The following NOTUM variants were observed in gnomAD, a reference collection of about 807,000 sequenced individuals.
NOTUM encodes palmitoleoyl-protein carboxylesterase NOTUM.
NOTUM carries 36 observed loss-of-function variants against 65.5 expected under a neutral mutation model. The observed-to-expected ratio is 0.55, with a 90% CI of 0.42 to 0.73. The LOEUF (loss-of-function observed/expected upper bound fraction) is 0.73. NOTUM is among the 30% of genes least tolerant of loss of function. The pLI, the probability that NOTUM is intolerant of heterozygous loss-of-function variation, is 0.00. For missense variants in NOTUM, 659 were observed against 694.2 expected, an observed-to-expected ratio of 0.95 and a Z score of 0.57; for synonymous variants, 356 against 297.9, an observed-to-expected ratio of 1.20 and a Z score of -2.01.
chr17:81,956,288 A>G (rs2041432483), intron 8 of NOTUM, among the ~76,000 whole-genome samples: 1 of 152,166 alleles, frequency 6.6e-6, no homozygotes, highest in South Asian at 2.1e-4. Flanking sequence ...AGGACCCTGC[A>G]GCAGGGAGGG....
chr17:81,957,658 C>T (rs902694375), intron 6 of NOTUM, 148 bp downstream of exon 6: 10 of 627,350 alleles, frequency 1.6e-5, no homozygotes, highest in Admixed American at 2.6e-5. Context: ...TCTCCCAGCT[C>T]CAGCCTCTCA....
At chr17:81,953,565 A>AT (rs1448607042) in intron 10 of NOTUM, among the ~76,000 whole-genome samples, 2 of 152,134 alleles carry the variant, frequency 1.3e-5, no homozygotes, top group African/African-American at 4.8e-5. Context: ...AAGTGCTGAG[A>AT]TAACAGGCGT....
At chr17:81,954,958 TC>T (rs796076298) in intron 9 of NOTUM, among the ~76,000 whole-genome samples, 22 of 46,820 alleles carry the variant, frequency 4.7e-4, no homozygotes, top group South Asian at 1.1e-3. Context: ...TCTCTCTCTC[TC>T]CTCTCTCTCT....
In NOTUM at chr17:81,958,387, G is replaced by A. The variant is rs2143946698; in HGVS notation, c.540C>T (p.Ile180=). 1.9e-6 allele frequency: 3 copies of A among 1,609,060 alleles called. No homozygotes were observed. Among genetic ancestry groups the A allele is most frequent in the South Asian group, 1.1e-5 (1 of 91,018 alleles). Residue 180 remains isoleucine (I), a synonymous_variant, in exon 5 of 11, where the codon ATC becomes ATT. Transcript: ENST00000409678. ...TCCAAACATCACTGGAGCAGTAGGG[G>A]ATGAAGCTGCAACACAGAACAGAGT... ...PYWWNANMVF[I]PYCSSDVWSG... is the part of the protein sequence containing the mutation.
chr17:81,958,522 G>A (rs1314474713), intron 4 of NOTUM, 129 bp from the exon 5 acceptor site: 8 of 677,270 alleles, frequency 1.2e-5, no homozygotes, highest in African/African-American at 5.3e-5. Context: ...ACCATCCCAG[G>A]ATAGAACTTC....
intron 4 of NOTUM, among the ~76,000 whole-genome samples, chr17:81,958,709 G>A (rs1374275582): frequency 1.3e-5 from 2 of 150,304 alleles, no homozygotes; most frequent in Non-Finnish European, 3.0e-5. Flanking sequence ...GACCATCTCA[G>A]GATAGACCCC....
rs1312950260 is a variant in NOTUM, at chr17:81,959,678, T to C, written c.338A>G (p.Glu113Gly). Residue 113 changes from glutamate (E) to glycine (G), a missense_variant, in exon 2 of 11, where the codon GAG (glutamate) becomes GGG (glycine). Physicochemically the swap from Glu to Gly is moderately conservative, Grantham distance 98 (BLOSUM62 -2). Transcript: ENST00000409678. ...DGSPAGYYLK[E>G]SRGSRRWLLF... ...GAGCCACCGCCGGCTGCCCCTGGACTCCTTCAGGTAGTAGCTGCGGGGGAG... is the reference window on the plus strand; with the variant it reads ...GAGCCACCGCCGGCTGCCCCTGGACCCCTTCAGGTAGTAGCTGCGGGGGAG... 6.5e-7 allele frequency: 1 copy of C among 1,531,332 alleles called. No individual in the cohort carries two copies. Among genetic ancestry groups the C allele is most frequent in the Non-Finnish European group, 8.8e-7 (1 of 1,140,114 alleles). 94.9% of individuals were successfully genotyped at this position (1,531,332 alleles called of 1,614,324 possible).
rs2041424048 is a variant in NOTUM, at chr17:81,955,406, T to C, written c.1127A>G (p.Lys376Arg). 6.3e-7 allele frequency: 1 copy of C among 1,584,130 alleles called. No individual in the cohort carries two copies. The highest frequency in any genetic ancestry group is 8.6e-7 in the Non-Finnish European group (1 of 1,165,588). The part of the protein sequence containing the change: ...NLGRELRHTL[K>R]DVPASFAPAC... ...GGGCCCACACACTCACGGCACGTCCTTGAGTGTGTGGCGCAGCTCGCGGCC... is the reference window on the plus strand; with the variant it reads ...GGGCCCACACACTCACGGCACGTCCCTGAGTGTGTGGCGCAGCTCGCGGCC... Residue 376 changes from lysine to arginine, a missense_variant, in exon 9 of 11, where the codon AAG becomes AGG. Transcript: ENST00000409678.
chr17:81,953,795 T>C (rs1442041728), intron 10 of NOTUM, among the ~76,000 whole-genome samples: 1 of 151,560 alleles, frequency 6.6e-6, no homozygotes, highest in African/African-American at 2.4e-5. Flanking sequence ...TCTTTTTTTT[T>C]TGAGATGGAG....
At chr17:81,954,445 C>T (rs2041412963) in intron 9 of NOTUM, 142 bp from the exon 10 acceptor site, 2 of 626,580 alleles carry the variant, frequency 3.2e-6, no homozygotes, top group African/African-American at 1.8e-5. Context: ...GCCCGGGCCT[C>T]CCCCTAGTTG....
At position 81,960,989 on chromosome 17, in the gene NOTUM, G is replaced by C; in HGVS notation, c.-80C>G. Reference sequence around the variant, plus strand: ...GGGGATGCCGGGCCGGGGGTGCCGGGCCGGGGGTGTCGGGGGCACTGGCCG... The same window carrying C: ...GGGGATGCCGGGCCGGGGGTGCCGGCCCGGGGGTGTCGGGGGCACTGGCCG... On this transcript the variant is annotated 5_prime_UTR_variant, in exon 1 of 11. Transcript: ENST00000409678. This position sits in a 1 kb window ranked among gnomAD's most constrained non-coding sequence, Gnocchi z 6.4. 3.9e-6 allele frequency: 3 copies of C among 762,848 alleles called. No individual in the cohort carries two copies. Among genetic ancestry groups the C allele is most frequent in the Non-Finnish European group, 5.1e-6 (3 of 587,570 alleles). The allele number at this position is 762,848 out of a possible 1,614,324, so 47.3% of individuals were successfully genotyped here.
At position 81,957,039 on chromosome 17, in the gene NOTUM, C is replaced by T. The variant is rs923395838; in HGVS notation, c.731G>A (p.Arg244His). The T allele has an allele frequency of 8.1e-6, 13 of 1,609,148 alleles. No individual in the cohort carries two copies. Among genetic ancestry groups the T allele is most frequent in the Admixed American group, 1.7e-5 (1 of 59,976 alleles). ...CAGCTTCTCCAGCTGCTCAGCCACA[C>T]GGTCCACATTCAGGAGCACCCCGGT... ...GGTGVLLNVD[R>H]VAEQLEKLGY... The change falls in exon 7 of 11, where the codon CGT (arginine) becomes CAT (histidine). Residue 244 changes from arginine (R) to histidine (H), a missense_variant. Coordinates refer to ENST00000409678, the MANE Select transcript of NOTUM (RefSeq NM_178493.6).
rs1216385917 is a variant in NOTUM at position 81,959,001 on chromosome 17, GA to G, written c.473-7del. ...TGAGGACAGGATCCCTGTGCCTGGG[GA>G]CACAGAGGCGGTGGGTCTTTCTAGC... On this transcript the variant is annotated splice_region_variant and splice_polypyrimidine_tract_variant and intron_variant, in intron 3 of 10. Coordinates refer to ENST00000409678, the MANE Select transcript of NOTUM (RefSeq NM_178493.6). 6.2e-7 allele frequency: 1 copy of G among 1,612,284 alleles called. No homozygotes were observed. The highest frequency in any genetic ancestry group is 8.5e-7 in the Non-Finnish European group (1 of 1,179,252).
rs1026099234 is a variant in NOTUM, at chr17:81,952,658, G to A, written c.*303C>T. 5 of 420,964 alleles carry A rather than the reference G, an allele frequency of 1.2e-5. No homozygotes were observed. The highest frequency in any genetic ancestry group is 9.4e-5 in the South Asian group (2 of 21,284). 26.1% of individuals were successfully genotyped at this position (420,964 alleles called of 1,614,324 possible). A position where few individuals can be genotyped will look rare whatever the true frequency, so the allele number is the denominator to read the frequency against. ...ATAAAAGGGCTTGATGGGTGGGGCC[G>A]GTGGGTGCTGTCTGAGCTGGTGGAC... is the stretch of plus-strand genomic sequence containing the variant. On this transcript the variant is annotated 3_prime_UTR_variant, in exon 11 of 11. Transcript: ENST00000409678.
intron 8 of NOTUM, among the ~76,000 whole-genome samples, chr17:81,956,217 T>C (rs1007643356): frequency 5.9e-5 from 9 of 152,198 alleles, no homozygotes; most frequent in African/African-American, 2.2e-4. Context: ...AATATGGTGA[T>C]GATGCCCTTG....
In NOTUM at chr17:81,960,486, C is replaced by T. The variant is rs2041466236; in HGVS notation, c.323+101G>A. The T allele has an allele frequency of 4.8e-6, 4 of 828,820 alleles. No individual in the cohort carries two copies. Among genetic ancestry groups the T allele is most frequent in the South Asian group, 4.2e-5 (2 of 48,102 alleles). The allele number at this position is 828,820 out of a possible 1,614,324, so 51.3% of individuals were successfully genotyped here. ...GGACCGCGGGGCGCCCGACGGAAGCCCTTTCTCCCCGGGGAGAGAACGGCC... is the reference window on the plus strand; with the variant it reads ...GGACCGCGGGGCGCCCGACGGAAGCTCTTTCTCCCCGGGGAGAGAACGGCC... On this transcript the variant is annotated intron_variant, in intron 1 of 10. Coordinates refer to ENST00000409678, the MANE Select transcript of NOTUM (RefSeq NM_178493.6). The surrounding 1 kb of genome is among the most constrained non-coding windows in gnomAD (Gnocchi z 6.4).
chr17:81,953,293 G>GT, intron 10 of NOTUM, 26 bp from the exon 11 acceptor site: 2 of 1,548,884 alleles, frequency 1.3e-6, no homozygotes, highest in East Asian at 2.3e-5. Flanking sequence ...GGGGGAGGGG[G>GT]TCACATGTGC....
chr17:81,957,151 C>T, intron 6 of NOTUM, 77 bp from the exon 7 acceptor site: 1 of 1,313,126 alleles, frequency 7.6e-7, no homozygotes, highest in South Asian at 1.3e-5. Flanking sequence ...CAGCGTCAGC[C>T]CGTGCCCCGA....
In NOTUM at chr17:81,956,924, C is replaced by T. The variant is rs2041438037; in HGVS notation, c.846G>A (p.Thr282=). The T allele has an allele frequency of 6.8e-6, 11 of 1,612,556 alleles. No homozygotes were observed. The highest frequency in any genetic ancestry group is 1.3e-5 in the African/African-American group (1 of 74,928). ...KQYRHTDCVD[T]ITCAPTEAIR... is the part of the protein sequence containing the mutation. Reference sequence around the variant, plus strand: ...TGGCCTCCGTGGGCGCGCACGTGATCGTGTCGACGCAGTCTGTGTGGCGAT... The same window carrying T: ...TGGCCTCCGTGGGCGCGCACGTGATTGTGTCGACGCAGTCTGTGTGGCGAT... Residue 282 remains threonine (T), a synonymous_variant, in exon 7 of 11, where the codon ACG becomes ACA. Transcript: ENST00000409678.
Sources: gnomAD v4.1 joint callset for allele counts (sites outside exome capture counted in the v4.1 genomes callset) on GRCh38, gnomAD v4.1.1 for gene constraint, Gnocchi (gnomAD v3.1) non-coding constraint, MANE v1.5 for transcripts, NCBI Gene and HGNC (gene_info 2026-07-23, HGNC 2026-07-21) for gene names.